The following PDE3A variants were observed in gnomAD, a reference collection of about 807,000 sequenced individuals.
The protein encoded by PDE3A is phosphodiesterase 3A.
A neutral mutation model predicts 98.3 loss-of-function variants in PDE3A; 43 were observed. The ratio of observed to expected loss-of-function variants is 0.44; its 90% CI spans 0.34 to 0.56. The LOEUF (loss-of-function observed/expected upper bound fraction) is 0.56, where lower values mean the gene tolerates loss of function less well. Among genes scored for constraint, PDE3A ranks in the 20% least tolerant of loss-of-function variants. The pLI is 0.01. For missense variants in PDE3A, 1,427 were observed against 1,440.7 expected, an observed-to-expected ratio of 0.99 and a Z score of 0.15; for synonymous variants, 663 against 567.9, an observed-to-expected ratio of 1.17 and a Z score of -2.38.
intron 1 of PDE3A, among the ~76,000 whole-genome samples, chr12:20,433,213 G>A (rs1226063513): frequency 6.6e-6 from 1 of 152,124 alleles, no homozygotes; most frequent in African/African-American, 2.4e-5. Context: ...ACTTTGGTGG[G>A]ACACAGCAGA....
intron 14 of PDE3A, among the ~76,000 whole-genome samples, chr12:20,651,816 G>C (rs560722589): frequency 6.6e-6 from 1 of 152,012 alleles, no homozygotes; most frequent in Non-Finnish European, 1.5e-5. Context: ...TGTGCACAAC[G>C]TGCAGGTTTG....
chr12:20,465,045 G>A (rs1213511470), intron 1 of PDE3A, among the ~76,000 whole-genome samples: 4 of 152,080 alleles, frequency 2.6e-5, no homozygotes, highest in Middle Eastern at 3.2e-3. Flanking sequence ...CATAACTCCT[G>A]TGTTTTAAGG....
chr12:20,469,086 C>T (rs527768147), intron 1 of PDE3A, among the ~76,000 whole-genome samples: 12 of 152,266 alleles, frequency 7.9e-5, no homozygotes, highest in African/African-American at 2.9e-4. Context: ...AATTACTAAA[C>T]ATCAGGTATA....
rs80029810 is a variant in PDE3A at position 20,443,282 on chromosome 12, A to C, written c.960+73038A>C. Among the ~76,000 whole-genome samples, 33 of 152,250 alleles carry C rather than the reference A, an allele frequency of 2.2e-4. No individual in the cohort carries two copies. In the East Asian group the frequency reaches 5.8e-3, roughly 27 times the overall value. On this transcript the variant is annotated intron_variant, in intron 1 of 15. Transcript: ENST00000359062. ...AAATCTTACTCTGTCCTATCTATGG[A>C]TATTGATAAACTGTACCACTGTATT...
At chr12:20,575,762 A>AT (rs201567329) in intron 2 of PDE3A, among the ~76,000 whole-genome samples, 2,561 of 150,536 alleles carry the variant, frequency 0.017, 70 homozygotes, top group African/African-American at 0.056. Flanking sequence ...TCATCCTCCT[A>AT]TTTTTTTTTA....
intron 2 of PDE3A, among the ~76,000 whole-genome samples, chr12:20,604,583 G>A (rs1053545757): frequency 6.6e-6 from 1 of 152,094 alleles, no homozygotes; most frequent in Non-Finnish European, 1.5e-5. Flanking sequence ...ATTACATTAT[G>A]TCTCATTTTA....
At chr12:20,400,359 A>ATGTTGAC (rs1477508788) in intron 1 of PDE3A, among the ~76,000 whole-genome samples, 2 of 136,054 alleles carry the variant, frequency 1.5e-5, no homozygotes, top group African/African-American at 6.0e-5. Flanking sequence ...ATAAAAGCTC[A>ATGTTGAC]TGTTGACTCG....
At position 20,677,468 on chromosome 12, in the gene PDE3A, CTTTTT is replaced by C. The variant is rs1945670734; in HGVS notation, c.3185-2561_3185-2557del. On this transcript the variant is annotated intron_variant, in intron 15 of 15. Transcript: ENST00000359062. The stretch of plus-strand genomic sequence containing the variant: ...GCTTGTTCTAATTTTTTTTTCTTTT[CTTTTT>C]ATTTGAGACAGAGTCTCGCTCTGTC... 6.6e-5 allele frequency among the ~76,000 whole-genome samples: 7 copies of C among 105,574 alleles called. No individual in the cohort carries two copies. The South Asian group carries it at 1.9e-3, about 29-fold the overall frequency. The allele number at this position is 105,574 out of a possible 152,430, so 69.3% of individuals were successfully genotyped here.
At chr12:20,668,067 C>G (rs1330135593) in intron 15 of PDE3A, among the ~76,000 whole-genome samples, 2 of 152,144 alleles carry the variant, frequency 1.3e-5, no homozygotes, top group African/African-American at 4.8e-5. Flanking sequence ...TTCCCTTTCC[C>G]AGTCAAAGAA....
At chr12:20,438,300 A>T (rs1337416136) in intron 1 of PDE3A, among the ~76,000 whole-genome samples, 4 of 152,314 alleles carry the variant, frequency 2.6e-5, no homozygotes, top group African/African-American at 9.6e-5. Flanking sequence ...GGCTTTAACC[A>T]CATGGTAATT....
At chr12:20,461,925 A>T (rs147776776) in intron 1 of PDE3A, among the ~76,000 whole-genome samples, 39 of 152,296 alleles carry the variant, frequency 2.6e-4, no homozygotes, top group African/African-American at 8.9e-4. Flanking sequence ...AAAAATATCA[A>T]TTAGAATGGG....
chr12:20,404,646 A>G (rs1363719272), intron 1 of PDE3A, among the ~76,000 whole-genome samples: 3 of 152,236 alleles, frequency 2.0e-5, no homozygotes, highest in African/African-American at 7.2e-5. Flanking sequence ...ATCTGGCTTT[A>G]TCTAAGAATA....
chr12:20,411,462 G>A (rs1176751609), intron 1 of PDE3A, among the ~76,000 whole-genome samples: 2 of 152,004 alleles, frequency 1.3e-5, no homozygotes, highest in Non-Finnish European at 2.9e-5. Context: ...TATGTGTATT[G>A]TAGCATGTGT....
intron 7 of PDE3A, among the ~76,000 whole-genome samples, chr12:20,634,145 A>T (rs1944447390): frequency 6.6e-6 from 1 of 152,188 alleles, no homozygotes; most frequent in Admixed American, 6.5e-5. Flanking sequence ...TATATTTTTA[A>T]AACACAAGAG....
At chr12:20,662,906 G>C (rs1268610724) in intron 15 of PDE3A, among the ~76,000 whole-genome samples, 1 of 152,216 alleles carries the variant, frequency 6.6e-6, no homozygotes, top group African/African-American at 2.4e-5. Flanking sequence ...GGGCATGTCA[G>C]AGACCTTAGT....
intron 1 of PDE3A, among the ~76,000 whole-genome samples, chr12:20,444,290 C>T (rs1944918210): frequency 6.6e-6 from 1 of 152,138 alleles, no homozygotes; most frequent in Non-Finnish European, 1.5e-5. Flanking sequence ...TATCAGTTTT[C>T]CATGTGCCTT....
At chr12:20,582,139 A>G (rs1228715786) in intron 2 of PDE3A, among the ~76,000 whole-genome samples, 3 of 152,122 alleles carry the variant, frequency 2.0e-5, no homozygotes, top group Non-Finnish European at 4.4e-5. Context: ...CAAATTAAGA[A>G]CTAAGGAAAT....
intron 2 of PDE3A, among the ~76,000 whole-genome samples, chr12:20,584,582 T>G (rs1292825770): frequency 1.3e-5 from 2 of 152,178 alleles, no homozygotes; most frequent in Non-Finnish European, 2.9e-5. Context: ...TAAAATATTT[T>G]ATTTTAAAAA....
At chr12:20,376,212 C>T (rs924649521) in intron 1 of PDE3A, among the ~76,000 whole-genome samples, 4 of 151,802 alleles carry the variant, frequency 2.6e-5, no homozygotes, top group Non-Finnish European at 5.9e-5. Flanking sequence ...TCTGAAAAGG[C>T]TGTAGTTAGT....
Sources: gnomAD v4.1 joint callset for allele counts (sites outside exome capture counted in the v4.1 genomes callset) on GRCh38, gnomAD v4.1.1 for gene constraint, MANE v1.5 for transcripts, NCBI Gene and HGNC (gene_info 2026-07-23, HGNC 2026-07-21) for gene names.